TAFA5: variants seen among roughly 807,000 people sequenced by gnomAD.
The protein encoded by TAFA5 is TAFA chemokine like family member 5, also known as chemokine-like protein TAFA-5.
TAFA5 carries 6 observed loss-of-function variants against 15.3 expected under a neutral mutation model. That is an observed-to-expected ratio of 0.39 (90% CI 0.21 to 0.77). The LOEUF (loss-of-function observed/expected upper bound fraction) is 0.77. Ranked by LOEUF, TAFA5 falls within the 30% of genes least tolerant of loss-of-function variation. The probability of loss-of-function intolerance (pLI) is 0.41; values close to 1 mark genes in which losing one functional copy is unlikely to be tolerated. For missense variants in TAFA5, 161 were observed against 193.1 expected, an observed-to-expected ratio of 0.83 and a Z score of 0.98; for synonymous variants, 103 against 80.7, an observed-to-expected ratio of 1.28 and a Z score of -1.48.
At chr22:48,603,199 C>G (rs1362339662) in intron 1 of TAFA5, among the ~76,000 whole-genome samples, 1 of 152,240 alleles carries the variant, frequency 6.6e-6, no homozygotes, top group Non-Finnish European at 1.5e-5. Context: ...TCTGGGCCCT[C>G]TCCTCCTGTC....
chr22:48,673,911 T>C (rs1322528236), intron 2 of TAFA5, among the ~76,000 whole-genome samples: 2 of 152,048 alleles, frequency 1.3e-5, no homozygotes, highest in African/African-American at 2.4e-5. Flanking sequence ...CTGTAGATAC[T>C]AGGGGTGGGA....
At chr22:48,654,382 G>T (rs17823531) in intron 2 of TAFA5, among the ~76,000 whole-genome samples, 4 of 152,186 alleles carry the variant, frequency 2.6e-5, no homozygotes, top group African/African-American at 9.6e-5. Flanking sequence ...CATCGTCCAC[G>T]GGCCTACAGG....
chr22:48,559,890 C>T (rs924389010), intron 1 of TAFA5, among the ~76,000 whole-genome samples: 3 of 152,174 alleles, frequency 2.0e-5, no homozygotes, highest in Middle Eastern at 3.2e-3. Flanking sequence ...GAGATGCGGT[C>T]GCCGTGCACT....
intron 2 of TAFA5, among the ~76,000 whole-genome samples, chr22:48,690,152 C>A (rs974767738): frequency 2.0e-5 from 3 of 152,064 alleles, no homozygotes; most frequent in Non-Finnish European, 4.4e-5. Flanking sequence ...ATGCTCATAA[C>A]TGCATTTGTC....
chr22:48,650,931 C>T (rs1927032814), intron 2 of TAFA5, among the ~76,000 whole-genome samples: 1 of 152,234 alleles, frequency 6.6e-6, no homozygotes, highest in Admixed American at 6.5e-5. Context: ...TTTCCATCAG[C>T]ACACACGTGC....
At chr22:48,627,226 C>A (rs1484072173) in intron 1 of TAFA5, among the ~76,000 whole-genome samples, 1 of 152,238 alleles carries the variant, frequency 6.6e-6, no homozygotes, top group Non-Finnish European at 1.5e-5. Context: ...CTTTTCTGTA[C>A]CATCCTGGAC....
intron 1 of TAFA5, among the ~76,000 whole-genome samples, chr22:48,554,187 T>C (rs1922951416): frequency 6.6e-6 from 1 of 152,136 alleles, no homozygotes; most frequent in Non-Finnish European, 1.5e-5. Context: ...CCGGCAAAAA[T>C]GTCCCCAGGG....
At chr22:48,529,869 G>C (rs1402282183) in intron 1 of TAFA5, among the ~76,000 whole-genome samples, 1 of 152,080 alleles carries the variant, frequency 6.6e-6, no homozygotes, top group East Asian at 1.9e-4. Flanking sequence ...CAGCGAGCCT[G>C]GAAGGCACAT....
intron 1 of TAFA5, among the ~76,000 whole-genome samples, chr22:48,534,152 C>A (rs952105269): frequency 6.7e-6 from 1 of 150,118 alleles, no homozygotes; most frequent in Non-Finnish European, 1.5e-5. Context: ...GGAGGTCAGG[C>A]AGGTGAGGGG....
At chr22:48,696,868 G>A (rs923849299) in intron 2 of TAFA5, among the ~76,000 whole-genome samples, 6 of 152,356 alleles carry the variant, frequency 3.9e-5, no homozygotes, top group South Asian at 2.1e-4. Flanking sequence ...GCACAGTCGC[G>A]CAAAGGCCCT....
At chr22:48,506,531 C>T (rs1018004611) in intron 1 of TAFA5, among the ~76,000 whole-genome samples, 5 of 152,182 alleles carry the variant, frequency 3.3e-5, no homozygotes, top group South Asian at 2.1e-4. Flanking sequence ...GGGTGACAGG[C>T]GGGGCCTTTG....
intron 2 of TAFA5, among the ~76,000 whole-genome samples, chr22:48,666,358 C>T (rs954320076): frequency 3.3e-5 from 5 of 152,134 alleles, no homozygotes; most frequent in African/African-American, 1.2e-4. Flanking sequence ...GTACACTTTA[C>T]TTTTTTTATA....
rs530149171 is a variant in TAFA5, at chr22:48,666,762, T to A, written c.262+20016T>A. On this transcript the variant is annotated intron_variant, in intron 2 of 3. Transcript: ENST00000402357. ...TTTCACATGCCCCAGCTCCTGGGGA[T>A]GGTGACATCAGCAGGCCTCCCTCCA... 2.6e-5 allele frequency among the ~76,000 whole-genome samples: 4 copies of A among 152,288 alleles called. No homozygotes were observed. In the East Asian group the frequency reaches 7.7e-4, roughly 29 times the overall value.
intron 3 of TAFA5, among the ~76,000 whole-genome samples, chr22:48,731,931 C>G (rs1242153804): frequency 6.6e-6 from 1 of 152,148 alleles, no homozygotes; most frequent in African/African-American, 2.4e-5. Context: ...TCTGATGGAC[C>G]TGGGCAAAGT....
At chr22:48,692,195 C>A (rs2147238977) in intron 2 of TAFA5, among the ~76,000 whole-genome samples, 1 of 152,080 alleles carries the variant, frequency 6.6e-6, no homozygotes, top group African/African-American at 2.4e-5. Flanking sequence ...GGCCTGAGAG[C>A]TGCCTCCAGC....
chr22:48,557,241 C>G (rs774878477), intron 1 of TAFA5, among the ~76,000 whole-genome samples: 1 of 152,124 alleles, frequency 6.6e-6, no homozygotes, highest in Non-Finnish European at 1.5e-5. Context: ...TAAATGGGGT[C>G]GTAAGGGTGG....
chr22:48,524,748 AG>A (rs1921722354), intron 1 of TAFA5, among the ~76,000 whole-genome samples: 1 of 152,148 alleles, frequency 6.6e-6, no homozygotes, highest in Non-Finnish European at 1.5e-5. Flanking sequence ...CAGGGCCAGC[AG>A]GGGTGGGCGG....
chr22:48,597,538 G>A (rs1203456445), intron 1 of TAFA5, among the ~76,000 whole-genome samples: 2 of 151,386 alleles, frequency 1.3e-5, no homozygotes, highest in Non-Finnish European at 2.9e-5. Flanking sequence ...CATATGCAGA[G>A]TGTCCCAGGA....
intron 2 of TAFA5, among the ~76,000 whole-genome samples, chr22:48,688,007 T>G (rs972722445): frequency 1.4e-4 from 6 of 41,924 alleles, no homozygotes; most frequent in African/African-American, 2.4e-4. Flanking sequence ...ATTAGAGGGT[T>G]TTTTTTTTTC....
Sources: gnomAD v4.1 joint callset for allele counts (sites outside exome capture counted in the v4.1 genomes callset) on GRCh38, gnomAD v4.1.1 for gene constraint, MANE v1.5 for transcripts, NCBI Gene and HGNC (gene_info 2026-07-23, HGNC 2026-07-21) for gene names.